ARID4B: variants seen among roughly 807,000 people sequenced by gnomAD.
The protein encoded by ARID4B is AT-rich interaction domain 4B, also known as AT-rich interactive domain-containing protein 4B.
ARID4B carries 26 observed loss-of-function variants against 147.5 expected under a neutral mutation model. The ratio of observed to expected loss-of-function variants is 0.18; its 90% confidence interval spans 0.13 to 0.24. ARID4B has a LOEUF of 0.24. Ranked by LOEUF, ARID4B falls within the 10% of genes least tolerant of loss-of-function variation. The probability of loss-of-function intolerance (pLI) is 1.00; values close to 1 mark genes in which losing one functional copy is unlikely to be tolerated. For synonymous variants in ARID4B, 512 were observed against 507.9 expected (o/e 1.01, Z -0.11); for missense variants, 1,179 against 1,511.5 (o/e 0.78, Z 3.65).
At position 235,213,759 on chromosome 1, in the gene ARID4B, C is replaced by G. The variant is rs200882610; in HGVS notation, c.1841+10G>C. The G allele has an allele frequency of 6.2e-7, 1 of 1,602,524 alleles. No homozygotes were observed. On this transcript the variant is annotated intron_variant, in intron 17 of 23. Transcript: ENST00000264183. ...TTTAGGTAATAATCACTAGCTAAAA[C>G]TCAAGTTACCTCACATTCCATCCGC...
At chr1:235,271,499 A>C (rs1289475702) in intron 2 of ARID4B, among the ~76,000 whole-genome samples, 1 of 151,556 alleles carries the variant, frequency 6.6e-6, no homozygotes, top group Non-Finnish European at 1.5e-5. Flanking sequence ...GCATGGTGGT[A>C]GGCACCTGTA....
intron 2 of ARID4B, among the ~76,000 whole-genome samples, chr1:235,291,443 T>A (rs910524114): frequency 2.0e-5 from 3 of 151,958 alleles, no homozygotes; most frequent in East Asian, 3.9e-4. Context: ...ATAAAATAAA[T>A]TTTTAATTAA....
chr1:235,213,659 G>T, intron 17 of ARID4B, 110 bp downstream of exon 17: 1 of 1,203,840 alleles, frequency 8.3e-7, no homozygotes, highest in Non-Finnish European at 1.1e-6. Context: ...AAGGTACTAT[G>T]ACCTCAATTA....
chr1:235,194,266 A>G, intron 18 of ARID4B, 55 bp from the exon 19 acceptor site: 2 of 1,259,260 alleles, frequency 1.6e-6, no homozygotes, highest in Non-Finnish European at 2.3e-6. Context: ...TATCAGAAAC[A>G]ATGTTAATGT....
rs1053267659 is a variant in ARID4B at position 235,248,236 on chromosome 1, G to A, written c.355-1725C>T. 1.4e-3 allele frequency among the ~76,000 whole-genome samples: 215 copies of A among 152,090 alleles called. 1 individual carries two copies. Among genetic ancestry groups the A allele is most frequent in the African/African-American group, 5.1e-3 (210 of 41,466 alleles). ...CCAGCTAATTTTTGTTTTTTGTAGAGATGGGGTTTTGCCATGTTGTCCAGG... is the reference window on the plus strand; with the variant it reads ...CCAGCTAATTTTTGTTTTTTGTAGAAATGGGGTTTTGCCATGTTGTCCAGG... On this transcript the variant is annotated intron_variant, in intron 6 of 23. Coordinates refer to ENST00000264183, the MANE Select transcript of ARID4B (RefSeq NM_016374.6).
At chr1:235,232,648 T>C (rs926746617) in intron 9 of ARID4B, among the ~76,000 whole-genome samples, 17 of 151,982 alleles carry the variant, frequency 1.1e-4, no homozygotes, top group Admixed American at 6.6e-4. Flanking sequence ...AGAATACTAG[T>C]TACCACACTG....
At chr1:235,265,057 T>C (rs1377651905) in intron 2 of ARID4B, among the ~76,000 whole-genome samples, 1 of 127,982 alleles carries the variant, frequency 7.8e-6, no homozygotes, top group African/African-American at 3.1e-5. Context: ...TGAAACTTCG[T>C]CTCAAAAAAA....
chr1:235,251,486 G>C (rs373561331), intron 6 of ARID4B, among the ~76,000 whole-genome samples: 35 of 152,000 alleles, frequency 2.3e-4, no homozygotes, highest in African/African-American at 8.2e-4. Flanking sequence ...CAGAGAACCT[G>C]TCCAAATTCT....
At chr1:235,176,994 T>C (rs1384975179) in intron 21 of ARID4B, 2 of 465,912 alleles carry the variant, frequency 4.3e-6, no homozygotes, top group African/African-American at 4.0e-5. Flanking sequence ...ATACAGTATA[T>C]ATATTTTCTG....
At chr1:235,215,586 T>TGTGTG (rs1553293297) in intron 16 of ARID4B, among the ~76,000 whole-genome samples, 1 of 150,612 alleles carries the variant, frequency 6.6e-6, no homozygotes. Context: ...TGTGTATATA[T>TGTGTG]TTTTCCCCCC....
chr1:235,252,647 G>T, intron 6 of ARID4B, 83 bp downstream of exon 6: 1 of 1,126,572 alleles, frequency 8.9e-7, no homozygotes, highest in Non-Finnish European at 1.3e-6. Flanking sequence ...TTAGGAAGTA[G>T]GTTTACTGAG....
intron 7 of ARID4B, among the ~76,000 whole-genome samples, chr1:235,241,077 A>T (rs1558237505): frequency 6.6e-6 from 1 of 152,238 alleles, no homozygotes; most frequent in Non-Finnish European, 1.5e-5. Context: ...AATTAGAAAG[A>T]TAACTGTCAG....
intron 2 of ARID4B, among the ~76,000 whole-genome samples, chr1:235,305,759 G>A (rs1192919887): frequency 6.6e-6 from 1 of 152,124 alleles, no homozygotes; most frequent in East Asian, 1.9e-4. Flanking sequence ...GGGAGTTCAA[G>A]ATCAGCCTAG....
intron 2 of ARID4B, among the ~76,000 whole-genome samples, chr1:235,292,983 T>C (rs1672436669): frequency 6.6e-6 from 1 of 152,180 alleles, no homozygotes; most frequent in South Asian, 2.1e-4. Flanking sequence ...CTTCTAAGAC[T>C]CCACAATACA....
intron 17 of ARID4B, among the ~76,000 whole-genome samples, chr1:235,210,200 G>C (rs1261298447): frequency 6.6e-6 from 1 of 151,926 alleles, no homozygotes; most frequent in African/African-American, 2.4e-5. Flanking sequence ...ACTCCAGCCT[G>C]GGTGACAGAA....
At chr1:235,211,845 A>G (rs1390599853) in intron 17 of ARID4B, among the ~76,000 whole-genome samples, 3 of 152,216 alleles carry the variant, frequency 2.0e-5, no homozygotes, top group Non-Finnish European at 2.9e-5. Context: ...TAAGATCAAA[A>G]TGACTAGAAG....
chr1:235,299,512 T>A (rs1480848610), intron 2 of ARID4B, among the ~76,000 whole-genome samples: 1 of 152,240 alleles, frequency 6.6e-6, no homozygotes, highest in Non-Finnish European at 1.5e-5. Flanking sequence ...TTTGAAATTA[T>A]CTGAAGGTTT....
intron 2 of ARID4B, among the ~76,000 whole-genome samples, chr1:235,308,434 G>A (rs931792008): frequency 6.6e-6 from 1 of 150,494 alleles, no homozygotes; most frequent in Non-Finnish European, 1.5e-5. Context: ...TAAGAAACAG[G>A]GGCTCCCCCT....
chr1:235,181,561 C>A, intron 20 of ARID4B, 24 bp downstream of exon 20: 2 of 1,600,588 alleles, frequency 1.2e-6, no homozygotes, highest in South Asian at 2.2e-5. Context: ...TAAAATAAGT[C>A]AACATACACA....
Sources: gnomAD v4.1 joint callset for allele counts (sites outside exome capture counted in the v4.1 genomes callset) on GRCh38, gnomAD v4.1.1 for gene constraint, MANE v1.5 for transcripts, NCBI Gene and HGNC (gene_info 2026-07-23, HGNC 2026-07-21) for gene names.